BCL2: variants seen among roughly 807,000 people sequenced by gnomAD.
BCL2 encodes BCL2 apoptosis regulator, also known as apoptosis regulator Bcl-2.
In BCL2, 1 loss-of-function variant was observed where a neutral mutation model predicts 14.2. The observed-to-expected ratio is 0.07, with a 90% CI of 0.02 to 0.33. The LOEUF (loss-of-function observed/expected upper bound fraction) is 0.33, where lower values mean the gene tolerates loss of function less well. Among genes scored for constraint, BCL2 ranks in the 10% least tolerant of loss-of-function variants. BCL2 has a pLI of 0.99. For missense variants in BCL2, 247 were observed against 305.9 expected, an observed-to-expected ratio of 0.81 and a Z score of 1.44; for synonymous variants, 151 against 137.2, an observed-to-expected ratio of 1.10 and a Z score of -0.70.
intron 2 of BCL2, among the ~76,000 whole-genome samples, chr18:63,144,804 G>A (rs964746584): frequency 5.9e-5 from 9 of 152,232 alleles, no homozygotes; most frequent in Non-Finnish European, 1.2e-4. Context: ...GAGCGAATGG[G>A]GCCACATCAA....
chr18:63,134,538 C>G (rs1414927282), intron 2 of BCL2, among the ~76,000 whole-genome samples: 1 of 152,178 alleles, frequency 6.6e-6, no homozygotes, highest in Non-Finnish European at 1.5e-5. Context: ...TCTCAGCTCT[C>G]TATATACTGG....
At chr18:63,217,744 T>C (rs1811433033) in intron 2 of BCL2, among the ~76,000 whole-genome samples, 1 of 152,244 alleles carries the variant, frequency 6.6e-6, no homozygotes, top group Admixed American at 6.5e-5. Context: ...TTAAGTAAAA[T>C]GCTAAGGTTA....
At chr18:63,250,895 C>T (rs1911291539) in intron 2 of BCL2, among the ~76,000 whole-genome samples, 1 of 152,256 alleles carries the variant, frequency 6.6e-6, no homozygotes, top group African/African-American at 2.4e-5. Flanking sequence ...CACTAACATG[C>T]AACCCAGCTT....
chr18:63,274,909 G>C (rs1221517113), intron 2 of BCL2, among the ~76,000 whole-genome samples: 1 of 152,160 alleles, frequency 6.6e-6, no homozygotes, highest in Non-Finnish European at 1.5e-5. Context: ...ACGCTGTAGA[G>C]TATAGTGCTG....
intron 2 of BCL2, among the ~76,000 whole-genome samples, chr18:63,148,148 G>A (rs908001933): frequency 1.3e-5 from 2 of 152,126 alleles, no homozygotes; most frequent in Admixed American, 1.3e-4. Context: ...GTTTGGATCC[G>A]TGACATCAAC....
chr18:63,152,111 C>T (rs935118356), intron 2 of BCL2, among the ~76,000 whole-genome samples: 1 of 152,196 alleles, frequency 6.6e-6, no homozygotes, highest in South Asian at 2.1e-4. Flanking sequence ...TTACTCAAAG[C>T]CAACCTGCAA....
chr18:63,200,914 G>A (rs536613422), intron 2 of BCL2, among the ~76,000 whole-genome samples: 62 of 152,248 alleles, frequency 4.1e-4, no homozygotes, highest in Middle Eastern at 3.4e-3. Flanking sequence ...GAGCCACTGC[G>A]CCTGGGCCAA....
intron 2 of BCL2, among the ~76,000 whole-genome samples, chr18:63,211,806 G>A (rs781517308): frequency 6.6e-6 from 1 of 152,204 alleles, no homozygotes; most frequent in Non-Finnish European, 1.5e-5. Flanking sequence ...GCCATGCCAC[G>A]CAAAGGTCCC....
At chr18:63,129,881 T>C (rs1306259806) in intron 2 of BCL2, among the ~76,000 whole-genome samples, 1 of 152,066 alleles carries the variant, frequency 6.6e-6, no homozygotes, top group Non-Finnish European at 1.5e-5. Flanking sequence ...GGGTTTCTCT[T>C]GGGGGTGGCT....
chr18:63,314,348 T>C (rs1397310065), intron 2 of BCL2: 2 of 152,198 alleles, frequency 1.3e-5, no homozygotes, highest in Admixed American at 1.3e-4. Context: ...TGCTTTCCAG[T>C]TAATCAAATG....
At chr18:63,181,032 T>C (rs188117608) in intron 2 of BCL2, among the ~76,000 whole-genome samples, 54 of 152,314 alleles carry the variant, frequency 3.5e-4, no homozygotes, top group Non-Finnish European at 7.5e-4. Context: ...TGTTTCACCA[T>C]GCACTCTCAT....
At chr18:63,199,147 G>A (rs981368065) in intron 2 of BCL2, among the ~76,000 whole-genome samples, 5 of 120,386 alleles carry the variant, frequency 4.2e-5, no homozygotes, top group South Asian at 2.8e-4. Context: ...ACACAGAGAC[G>A]CAGACACACA....
At chr18:63,282,993 G>C (rs536244989) in intron 2 of BCL2, among the ~76,000 whole-genome samples, 87 of 152,256 alleles carry the variant, frequency 5.7e-4, no homozygotes, top group African/African-American at 1.9e-3. Flanking sequence ...CACTGCTTTA[G>C]AGAATCCAGC....
At chr18:63,137,562 T>C (rs1165622221) in intron 2 of BCL2, among the ~76,000 whole-genome samples, 1 of 152,162 alleles carries the variant, frequency 6.6e-6, no homozygotes, top group African/African-American at 2.4e-5. Flanking sequence ...CAGTGCTTTT[T>C]TTTTCTTTCA....
intron 2 of BCL2, among the ~76,000 whole-genome samples, chr18:63,306,239 A>T (rs973999074): frequency 2.0e-5 from 3 of 152,140 alleles, no homozygotes; most frequent in Non-Finnish European, 2.9e-5. Flanking sequence ...TCTTCCAAAA[A>T]ATCTCTCCAC....
chr18:63,249,838 G>A (rs1911257011), intron 2 of BCL2, among the ~76,000 whole-genome samples: 1 of 151,632 alleles, frequency 6.6e-6, no homozygotes, highest in Non-Finnish European at 1.5e-5. Context: ...AAAAATGGTA[G>A]TTTCAGGCAC....
chr18:63,165,031 C>T (rs7242051), intron 2 of BCL2, among the ~76,000 whole-genome samples: 1,584 of 152,174 alleles, frequency 0.01, 23 homozygotes, highest in African/African-American at 0.036. Flanking sequence ...TGTAACTAAC[C>T]TGCACATTGT....
intron 2 of BCL2, among the ~76,000 whole-genome samples, chr18:63,150,123 T>A (rs1914617329): frequency 6.6e-6 from 1 of 152,188 alleles, no homozygotes; most frequent in Non-Finnish European, 1.5e-5. Flanking sequence ...CCTCAAGTGA[T>A]CCTCCTGACT....
chr18:63,268,910 A>G (rs949526020), intron 2 of BCL2, among the ~76,000 whole-genome samples: 8 of 152,072 alleles, frequency 5.3e-5, no homozygotes, highest in Non-Finnish European at 8.8e-5. Flanking sequence ...GAAAGTATTA[A>G]ATATTACATA....
Sources: allele counts gnomAD v4.1 joint callset (sites outside exome capture counted in the v4.1 genomes callset), GRCh38; gene constraint gnomAD v4.1.1; transcripts MANE v1.5; gene names NCBI Gene and HGNC (gene_info 2026-07-23, HGNC 2026-07-21).